The following ZFHX4 variants were observed in gnomAD, a reference collection of about 807,000 sequenced individuals.
The protein encoded by ZFHX4 is zinc finger homeobox 4, also known as zinc finger homeobox protein 4.
In ZFHX4, 56 loss-of-function variants were observed where a neutral mutation model predicts 267.6. The observed-to-expected ratio is 0.21, with a 90% CI of 0.17 to 0.26. The LOEUF (loss-of-function observed/expected upper bound fraction) is 0.26. ZFHX4 is among the 10% of genes least tolerant of loss of function. The pLI is 1.00. For missense variants in ZFHX4, 4,332 were observed against 4,420.0 expected (o/e 0.98, Z 0.56); for synonymous variants, 1,778 against 1,665.6 (o/e 1.07, Z -1.64).
At chr8:76,685,235 T>G (rs567465579) in intron 1 of ZFHX4, among the ~76,000 whole-genome samples, 1 of 152,334 alleles carries the variant, frequency 6.6e-6, no homozygotes, top group South Asian at 2.1e-4. Context: ...AATGTGTCAT[T>G]TCCACGAAGC....
chr8:76,723,725 A>G (rs984538407), intron 3 of ZFHX4, among the ~76,000 whole-genome samples: 2 of 152,022 alleles, frequency 1.3e-5, no homozygotes, highest in African/African-American at 2.4e-5. Flanking sequence ...AGCATTAAAC[A>G]TATACTCACC....
chr8:76,816,070 T>A (rs958861980), intron 4 of ZFHX4, among the ~76,000 whole-genome samples: 3 of 152,196 alleles, frequency 2.0e-5, no homozygotes, highest in African/African-American at 7.2e-5. Context: ...AAAACTCACC[T>A]AGGTCCACTC....
intron 3 of ZFHX4, among the ~76,000 whole-genome samples, chr8:76,726,536 C>T (rs1808858083): frequency 6.6e-6 from 1 of 152,110 alleles, no homozygotes; most frequent in South Asian, 2.1e-4. Context: ...GATAGTAATG[C>T]AGTTATTACT....
rs1014779315 is a variant in ZFHX4 at position 76,745,461 on chromosome 8, A to C, written c.3094-32747A>C. ...TCAGACCAAGGTACTGAATAATGGCATTTTGTAGGGTAAGTCTGTACTTAC... is the reference window on the plus strand; with the variant it reads ...TCAGACCAAGGTACTGAATAATGGCCTTTTGTAGGGTAAGTCTGTACTTAC... On this transcript the variant is annotated intron_variant, in intron 3 of 10. Transcript: ENST00000651372. 3.9e-5 allele frequency among the ~76,000 whole-genome samples: 6 copies of C among 152,278 alleles called. No individual in the cohort carries two copies. In the South Asian group the frequency reaches 1.0e-3, roughly 26 times the overall value.
chr8:76,703,902 G>T, intron 1 of ZFHX4, 141 bp from the exon 2 acceptor site: 1 of 625,288 alleles, frequency 1.6e-6, no homozygotes, highest in South Asian at 2.2e-5. Context: ...GTCTGTGATA[G>T]ATAGGCACGC....
rs766422216 is a variant in ZFHX4 at position 76,705,579 on chromosome 8, C to G, written c.1491C>G (p.Asn497Lys). The G allele has an allele frequency of 3.1e-6, 5 of 1,613,646 alleles. No homozygotes were observed. In the South Asian group the frequency reaches 5.5e-5, roughly 18 times the overall value. Residue 497 changes from asparagine to lysine, a missense_variant, in exon 2 of 11, where the codon AAC becomes AAG. Asn to Lys is a moderately conservative substitution (Grantham distance 94, BLOSUM62 0). Transcript: ENST00000651372. The part of the protein sequence containing the change: ...VLGELTDSIG[N>K]KDFPLLNQSI... ...GTGAACTCACCGATAGTATTGGTAA[C>G]AAAGATTTCCCTCTCTTAAACCAAA...
intron 3 of ZFHX4, among the ~76,000 whole-genome samples, chr8:76,768,650 G>A (rs375435054): frequency 3.9e-5 from 6 of 152,232 alleles, no homozygotes; most frequent in African/African-American, 1.2e-4. Flanking sequence ...CTAAAAGGAC[G>A]GATGATGAAC....
At chr8:76,826,995 C>A (rs754757062) in intron 4 of ZFHX4, among the ~76,000 whole-genome samples, 2 of 152,184 alleles carry the variant, frequency 1.3e-5, no homozygotes. Flanking sequence ...AGTTCCTATG[C>A]TGATGAGCAA....
At chr8:76,761,338 G>A (rs1463207727) in intron 3 of ZFHX4, among the ~76,000 whole-genome samples, 6 of 152,158 alleles carry the variant, frequency 3.9e-5, no homozygotes, top group Admixed American at 3.9e-4. Context: ...AATGTGAGTT[G>A]CCCATGCAAT....
chr8:76,824,919 G>A (rs532992395), intron 4 of ZFHX4, among the ~76,000 whole-genome samples: 1 of 152,204 alleles, frequency 6.6e-6, no homozygotes, highest in African/African-American at 2.4e-5. Context: ...TACACATACT[G>A]CTTTTATTGC....
At chr8:76,801,139 C>T (rs1811107499) in intron 4 of ZFHX4, among the ~76,000 whole-genome samples, 1 of 151,794 alleles carries the variant, frequency 6.6e-6, no homozygotes, top group Admixed American at 6.6e-5. Flanking sequence ...AGAGAATGGA[C>T]ATTGAGCCTT....
chr8:76,840,735 C>G (rs1038827094), intron 5 of ZFHX4, among the ~76,000 whole-genome samples: 1 of 152,150 alleles, frequency 6.6e-6, no homozygotes, highest in Non-Finnish European at 1.5e-5. Context: ...CATCCCTTCC[C>G]CGGGATGAGT....
chr8:76,707,928 T>C lies in ZFHX4; in HGVS notation c.2973T>C (p.Ile991=). The part of the protein sequence containing the change: ...GKSNEWRLKC[I]AIGNPVHLKC... ...GCAATGAGTGGAGGTTGAAGTGTAT[T>C]GCCATTGGCAACCCTGTTCACCTAA... Residue 991 remains isoleucine (I), a synonymous_variant, in exon 3 of 11, where the codon ATT becomes ATC. Coordinates refer to ENST00000651372, the MANE Select transcript of ZFHX4 (RefSeq NM_024721.5). 6.2e-7 allele frequency: 1 copy of C among 1,614,076 alleles called. No homozygotes were observed.
chr8:76,834,237 C>T, intron 5 of ZFHX4: 1 of 357,532 alleles, frequency 2.8e-6, no homozygotes, highest in Non-Finnish European at 5.6e-6. Flanking sequence ...TTTCAACTCC[C>T]TTTGATAAAT....
intron 10 of ZFHX4, among the ~76,000 whole-genome samples, chr8:76,857,260 T>C (rs1812754939): frequency 6.6e-6 from 1 of 151,526 alleles, no homozygotes; most frequent in Non-Finnish European, 1.5e-5. Flanking sequence ...TCTTTTATAA[T>C]TTAAGTAAGT....
intron 1 of ZFHX4, among the ~76,000 whole-genome samples, chr8:76,684,363 T>C (rs1157109214): frequency 6.6e-6 from 1 of 152,238 alleles, no homozygotes; most frequent in African/African-American, 2.4e-5. Context: ...TTTAACCTCT[T>C]GCACCTGGCT....
chr8:76,801,966 CTGCTATT>C (rs2131828059), intron 4 of ZFHX4, among the ~76,000 whole-genome samples: 1 of 152,208 alleles, frequency 6.6e-6, no homozygotes, highest in South Asian at 2.1e-4. Context: ...GTGCAATTTT[CTGCTATT>C]TAAGCTTGGC....
intron 3 of ZFHX4, among the ~76,000 whole-genome samples, chr8:76,716,057 A>G (rs1325804839): frequency 2.0e-5 from 3 of 152,210 alleles, no homozygotes; most frequent in Non-Finnish European, 4.4e-5. Flanking sequence ...GTGGGAAGAA[A>G]TGATCTATTG....
At chr8:76,714,238 A>T (rs1339796244) in intron 3 of ZFHX4, among the ~76,000 whole-genome samples, 1 of 152,096 alleles carries the variant, frequency 6.6e-6, no homozygotes, top group African/African-American at 2.4e-5. Context: ...AAAATTGCTG[A>T]GATGTTCAAG....
Sources: gnomAD v4.1 joint callset for allele counts (sites outside exome capture counted in the v4.1 genomes callset) on GRCh38, gnomAD v4.1.1 for gene constraint, MANE v1.5 for transcripts, NCBI Gene and HGNC (gene_info 2026-07-23, HGNC 2026-07-21) for gene names.